The following TSN variants were observed in gnomAD, a reference collection of about 807,000 sequenced individuals.
TSN encodes translin, also known as component 3 of promoter of RISC.
TSN carries 5 observed loss-of-function variants against 29.4 expected under a neutral mutation model. That is an observed-to-expected ratio of 0.17 (90% CI 0.09 to 0.36). The LOEUF is 0.36. Among genes scored for constraint, TSN ranks in the 10% least tolerant of loss-of-function variants. TSN has a pLI of 1.00. For missense variants in TSN, 159 were observed against 272.8 expected, an observed-to-expected ratio of 0.58 and a Z score of 2.94; for synonymous variants, 106 against 102.2, an observed-to-expected ratio of 1.04 and a Z score of -0.23.
At position 121,765,182 on chromosome 2, in the gene TSN, C is replaced by T. The variant is rs773699340; in HGVS notation, c.502C>T (p.Leu168Phe). The change falls in exon 6 of 6, where the codon CTC (leucine) becomes TTC (phenylalanine). Residue 168 changes from leucine (L) to phenylalanine (F), a missense_variant. By Grantham distance (22) the Leu-to-Phe change is conservative. This residue lies in a region of TSN where 85 missense variants were observed against 178.1 expected (regional missense o/e 0.48). Coordinates refer to ENST00000389682, the MANE Select transcript of TSN (RefSeq NM_004622.3). ...SVTAGDYSRPLHISTFINELD... is the reference protein window; with the variant it reads ...SVTAGDYSRPFHISTFINELD... ...GACTGCTGGAGACTACTCCCGACCCCTCCACATCTCCACCTTCATCAATGA... is the reference window on the plus strand; with the variant it reads ...GACTGCTGGAGACTACTCCCGACCCTTCCACATCTCCACCTTCATCAATGA... The T allele has an allele frequency of 1.9e-6, 3 of 1,614,100 alleles. No individual in the cohort carries two copies. The highest frequency in any genetic ancestry group is 2.2e-5 in the South Asian group (2 of 91,090).
In TSN at chr2:121,767,219, C is replaced by T. The variant is rs927114914; in HGVS notation, c.*1852C>T. 1 of 152,150 alleles carries T rather than the reference C, an allele frequency of 6.6e-6. No homozygotes were observed. 9.4% of individuals were successfully genotyped at this position (152,150 alleles called of 1,614,324 possible). A position where few individuals can be genotyped will look rare whatever the true frequency, so the allele number is the denominator to read the frequency against. On this transcript the variant is annotated 3_prime_UTR_variant, in exon 6 of 6. Transcript: ENST00000389682. ...ATTCCATTTGAGGATTTAGAAGTGT[C>T]ATGTTTATAACTATTCAGTTGTGTT...
At chr2:121,761,270 CTCTT>C in intron 3 of TSN, 135 bp from the exon 4 acceptor site, 2 of 620,914 alleles carry the variant, frequency 3.2e-6, no homozygotes, top group Non-Finnish European at 5.8e-6. Flanking sequence ...TGTCATATTT[CTCTT>C]TATATATTGG....
At chr2:121,764,497 T>C (rs2106457398) in intron 5 of TSN, among the ~76,000 whole-genome samples, 1 of 151,852 alleles carries the variant, frequency 6.6e-6, no homozygotes, top group Admixed American at 6.6e-5. Context: ...ACTAAAGGGG[T>C]AAGCCTGGAA....
rs779651093 is a variant in TSN, at chr2:121,756,565, A to G, written c.67-675A>G. On this transcript the variant is annotated intron_variant, in intron 1 of 5. Coordinates refer to ENST00000389682, the MANE Select transcript of TSN (RefSeq NM_004622.3). The stretch of plus-strand genomic sequence containing the variant: ...GGGATTGTGTGCTTGGTTCCCCGGT[A>G]TTTACACAGTGCCTCGCACATAAGT... 306 of 1,154,694 alleles carry G rather than the reference A, an allele frequency of 2.7e-4. 1 individual carries two copies. Among genetic ancestry groups the G allele is most frequent in the Non-Finnish European group, 3.5e-4 (299 of 858,240 alleles). 71.5% of individuals were successfully genotyped at this position (1,154,694 alleles called of 1,614,324 possible). A position where few individuals can be genotyped will look rare whatever the true frequency, so the allele number is the denominator to read the frequency against.
rs2074892319 is a variant in TSN at position 121,765,674 on chromosome 2, A to G, written c.*307A>G. On this transcript the variant is annotated 3_prime_UTR_variant, in exon 6 of 6. Transcript: ENST00000389682. ...CTTTTCTTGCTTACCTTGACTGTTG[A>G]TGTACTGATTGAGAAGTTCATTGTC... The G allele has an allele frequency of 1.4e-5, 5 of 346,904 alleles. No individual in the cohort carries two copies. In the East Asian group the frequency reaches 3.1e-4, roughly 21 times the overall value. The allele number at this position is 346,904 out of a possible 1,614,324, so 21.5% of individuals were successfully genotyped here.
intron 2 of TSN, among the ~76,000 whole-genome samples, chr2:121,758,280 G>A (rs2074777157): frequency 1.3e-5 from 2 of 152,184 alleles, no homozygotes; most frequent in Admixed American, 6.5e-5. Context: ...GCATTTACAC[G>A]TGCCAGAGGC....
intron 1 of TSN, chr2:121,756,319 C>T (rs1200859536): frequency 7.9e-6 from 2 of 252,592 alleles, no homozygotes; most frequent in South Asian, 3.6e-5. Context: ...TTTACCTCTT[C>T]TAGTGCCCCA....
intron 1 of TSN, 42 bp downstream of exon 1, chr2:121,755,887 C>T (rs764073551): frequency 6.2e-6 from 10 of 1,612,650 alleles, no homozygotes; most frequent in South Asian, 1.1e-5. Context: ...CTTTCCATGC[C>T]TAGTTGGGCC....
intron 4 of TSN, among the ~76,000 whole-genome samples, chr2:121,762,707 A>G (rs1164283030): frequency 6.6e-6 from 1 of 152,210 alleles, no homozygotes; most frequent in Non-Finnish European, 1.5e-5. Context: ...AGTTGCAAAT[A>G]TCGTAACTCC....
intron 3 of TSN, among the ~76,000 whole-genome samples, chr2:121,760,053 G>A (rs2074802130): frequency 6.6e-6 from 1 of 152,248 alleles, no homozygotes; most frequent in Admixed American, 6.5e-5. Context: ...CTGGTCTGTG[G>A]CCTGTTAGGA....
Position 121,755,807 on chromosome 2 carries a change from C to T in TSN, c.28C>T (p.Leu10=), listed in dbSNP as rs377370748. The change falls in exon 1 of 6, where the codon CTG becomes TTG. Residue 10 remains leucine (L), a synonymous_variant. Coordinates refer to ENST00000389682, the MANE Select transcript of TSN (RefSeq NM_004622.3). ...GTCTGTGAGCGAGATCTTCGTGGAG[C>T]TGCAGGGCTTTTTGGCTGCCGAGCA... MSVSEIFVE[L]QGFLAAEQDI... 2 of 1,614,122 alleles carry T rather than the reference C, an allele frequency of 1.2e-6. No homozygotes were observed. The highest frequency in any genetic ancestry group is 1.7e-6 in the Non-Finnish European group (2 of 1,180,054).
At chr2:121,761,650 C>G in intron 4 of TSN, 126 bp downstream of exon 4, 2 of 716,668 alleles carry the variant, frequency 2.8e-6, no homozygotes, top group Non-Finnish European at 4.8e-6. Flanking sequence ...ATAGTTGTAG[C>G]TTGGTATCTG....
In TSN at chr2:121,755,685, G is replaced by A. The variant is rs549689240; in HGVS notation, c.-95G>A. On this transcript the variant is annotated 5_prime_UTR_variant, in exon 1 of 6. Coordinates refer to ENST00000389682, the MANE Select transcript of TSN (RefSeq NM_004622.3). ...GTAAGACCGGGGGGACGCGGCGGTA[G>A]CGGCGGCCGTTGCGATTGATTGCGC... is the stretch of plus-strand genomic sequence containing the variant. The A allele has an allele frequency of 1.1e-4, 172 of 1,523,004 alleles. No individual in the cohort carries two copies. The Middle Eastern group carries it at 2.0e-3, about 18-fold the overall frequency. 94.3% of individuals were successfully genotyped at this position (1,523,004 alleles called of 1,614,324 possible). A position where few individuals can be genotyped will look rare whatever the true frequency, so the allele number is the denominator to read the frequency against.
chr2:121,757,771 CT>C, intron 2 of TSN, among the ~76,000 whole-genome samples: 1 of 152,122 alleles, frequency 6.6e-6, no homozygotes, highest in East Asian at 1.9e-4. Flanking sequence ...ATTCTCCTGC[CT>C]CAGCCTCCTG....
At chr2:121,757,571 A>G in intron 2 of TSN, 2 of 689,678 alleles carry the variant, frequency 2.9e-6, no homozygotes, top group Non-Finnish European at 4.5e-6. Context: ...TGCTTAACCC[A>G]TTTCCTGTTT....
rs2074908668 is a variant in TSN at position 121,766,832 on chromosome 2, A to G, written c.*1465A>G. The stretch of plus-strand genomic sequence containing the variant: ...ATTTGGCATACCTTTCACAGCTTTT[A>G]TCAGGCCAAGTTAAAGGCTGACTAC... On this transcript the variant is annotated 3_prime_UTR_variant, in exon 6 of 6. Transcript: ENST00000389682. 6.6e-6 allele frequency: 1 copy of G among 152,212 alleles called. No homozygotes were observed. The allele number at this position is 152,212 out of a possible 1,614,324, so 9.4% of individuals were successfully genotyped here. A position where few individuals can be genotyped will look rare whatever the true frequency, so the allele number is the denominator to read the frequency against.
intron 1 of TSN, chr2:121,756,338 C>G: frequency 4.0e-6 from 1 of 246,988 alleles, no homozygotes; most frequent in South Asian, 3.7e-5. Context: ...CAAATAGCTT[C>G]CTGCCTGTTT....
chr2:121,764,534 G>A (rs2074877145), intron 5 of TSN, among the ~76,000 whole-genome samples: 1 of 152,070 alleles, frequency 6.6e-6, no homozygotes, highest in South Asian at 2.1e-4. Context: ...ACAGAAAGGG[G>A]AATCTTTTTT....
At chr2:121,756,795 G>C (rs1212254798) in intron 1 of TSN, 1 of 347,432 alleles carries the variant, frequency 2.9e-6, no homozygotes, top group South Asian at 2.5e-5. Context: ...TGTAATCCCA[G>C]CTACTCGGGA....
Sources: gnomAD v4.1 joint callset for allele counts (sites outside exome capture counted in the v4.1 genomes callset) on GRCh38, gnomAD v4.1.1 for gene constraint, gnomAD v4.1.1 regional missense constraint, MANE v1.5 for transcripts, NCBI Gene and HGNC (gene_info 2026-07-23, HGNC 2026-07-21) for gene names.